NTM: variants seen among roughly 807,000 people sequenced by gnomAD.
The protein encoded by NTM is neurotrimin.
NTM carries 13 observed loss-of-function variants against 42.1 expected under a neutral mutation model. The observed-to-expected ratio is 0.31, with a 90% CI of 0.20 to 0.49. The LOEUF is 0.49. Ranked by LOEUF, NTM falls within the 20% of genes least tolerant of loss-of-function variation. NTM has a pLI of 0.99. For synonymous variants in NTM, 187 were observed against 179.2 expected, an observed-to-expected ratio of 1.04 and a Z score of -0.35; for missense variants, 373 against 452.8, an observed-to-expected ratio of 0.82 and a Z score of 1.60.
rs148428099 is a variant in NTM, at chr11:132,326,491, G to GC, written c.935-3657dup. ...CCTGGTCACTGAGCAGGGGCAAGGA[G>GC]CCCCCATCTGCTGAGACAAAGCTGG... On this transcript the variant is annotated intron_variant, in intron 7 of 8. Transcript: ENST00000683400. Among the ~76,000 whole-genome samples the GC allele has an allele frequency of 4.5e-4, 68 of 152,296 alleles. No individual in the cohort carries two copies. The East Asian group carries it at 0.013, about 29-fold the overall frequency.
At chr11:131,561,001 A>G (rs2056155511) in intron 1 of NTM, among the ~76,000 whole-genome samples, 1 of 152,202 alleles carries the variant, frequency 6.6e-6, no homozygotes, top group Non-Finnish European at 1.5e-5. Context: ...GGCGTGCAAG[A>G]TCACCCTGGA....
intron 2 of NTM, among the ~76,000 whole-genome samples, chr11:132,051,053 C>T (rs1489640685): frequency 1.3e-5 from 2 of 152,138 alleles, no homozygotes; most frequent in Non-Finnish European, 2.9e-5. Context: ...ATGCCTTGCT[C>T]CTTGGTTAAG....
intron 1 of NTM, among the ~76,000 whole-genome samples, chr11:131,510,965 C>T (rs957424636): frequency 6.6e-6 from 1 of 152,228 alleles, no homozygotes; most frequent in African/African-American, 2.4e-5. Context: ...CAGGGCCATA[C>T]TGTGTCCTAA....
chr11:131,438,146 G>A (rs528941028), intron 1 of NTM, among the ~76,000 whole-genome samples: 5 of 152,290 alleles, frequency 3.3e-5, no homozygotes, highest in South Asian at 2.1e-4. Context: ...TCTGCCGAGG[G>A]ATCCTCTGTA....
At chr11:131,540,838 C>T (rs779512636) in intron 1 of NTM, 3 of 152,188 alleles carry the variant, frequency 2.0e-5, no homozygotes, top group Non-Finnish European at 2.9e-5. Context: ...CATTTTCTAG[C>T]TTCTCATTAG....
chr11:132,163,155 G>A (rs895953297), intron 3 of NTM, among the ~76,000 whole-genome samples: 1 of 152,100 alleles, frequency 6.6e-6, no homozygotes, highest in African/African-American at 2.4e-5. Context: ...AGCATCTCAG[G>A]AAAAAGGGAT....
intron 1 of NTM, among the ~76,000 whole-genome samples, chr11:131,409,417 A>G (rs1458417398): frequency 6.6e-6 from 1 of 152,166 alleles, no homozygotes; most frequent in Non-Finnish European, 1.5e-5. Context: ...TTCCACAGAG[A>G]GGTGCAGGAG....
intron 2 of NTM, among the ~76,000 whole-genome samples, chr11:132,069,742 A>T (rs1349862303): frequency 1.3e-5 from 2 of 151,254 alleles, no homozygotes; most frequent in African/African-American, 2.4e-5. Flanking sequence ...CAGGTTAGTT[A>T]ACACGTCACA....
At chr11:131,660,637 T>A (rs1039667599) in intron 1 of NTM, 3 of 453,458 alleles carry the variant, frequency 6.6e-6, no homozygotes, top group African/African-American at 4.0e-5. Flanking sequence ...TGTGCACCCC[T>A]CCCCCCTTAT....
chr11:132,082,082 T>C (rs898618055), intron 2 of NTM, among the ~76,000 whole-genome samples: 1 of 151,584 alleles, frequency 6.6e-6, no homozygotes, highest in East Asian at 1.9e-4. Flanking sequence ...ACCCTTCATT[T>C]CTCAAAAAAA....
chr11:132,198,026 G>T (rs2080550022), intron 3 of NTM, among the ~76,000 whole-genome samples: 1 of 152,080 alleles, frequency 6.6e-6, no homozygotes, highest in Non-Finnish European at 1.5e-5. Flanking sequence ...TAACGGGATG[G>T]CTGGGTCAAA....
At chr11:132,313,826 CTTGTGGCTTACTGGGCTGCCA>C (rs1244203797) in intron 6 of NTM, among the ~76,000 whole-genome samples, 1 of 152,110 alleles carries the variant, frequency 6.6e-6, no homozygotes, top group Non-Finnish European at 1.5e-5. Context: ...AATGCAAGTC[CTTGTGGCTTACTGGGCTGCCA>C]TTGTGGAGCT....
intron 4 of NTM, among the ~76,000 whole-genome samples, chr11:132,229,299 C>T (rs956540491): frequency 4.6e-5 from 7 of 152,288 alleles, no homozygotes; most frequent in African/African-American, 1.7e-4. Context: ...GCACTTAGAC[C>T]GCTTGCTCAC....
chr11:131,668,068 G>A (rs941838830), intron 1 of NTM, among the ~76,000 whole-genome samples: 1 of 152,190 alleles, frequency 6.6e-6, no homozygotes, highest in Admixed American at 6.5e-5. Context: ...GCTGCAGCCA[G>A]GGGAGGTTAA....
intron 1 of NTM, among the ~76,000 whole-genome samples, chr11:131,764,255 G>A (rs1221970741): frequency 6.6e-6 from 1 of 152,132 alleles, no homozygotes; most frequent in South Asian, 2.1e-4. Context: ...AGCAGTGGGT[G>A]CAACTTCATT....
intron 1 of NTM, among the ~76,000 whole-genome samples, chr11:131,783,088 C>A (rs11222793): frequency 0.91 from 138,314 of 152,160 alleles, 63,016 homozygotes; most frequent in East Asian, 1. Context: ...AAATTCAAAG[C>A]AATCTACAGA....
At chr11:131,486,989 T>C (rs1322371360) in intron 1 of NTM, among the ~76,000 whole-genome samples, 1 of 152,164 alleles carries the variant, frequency 6.6e-6, no homozygotes, top group African/African-American at 2.4e-5. Context: ...ATTTACTCTT[T>C]GTAATGCCAC....
chr11:131,594,815 G>C (rs958422949), intron 1 of NTM, among the ~76,000 whole-genome samples: 2 of 152,192 alleles, frequency 1.3e-5, no homozygotes, highest in South Asian at 2.1e-4. Flanking sequence ...TTGAGACCTA[G>C]AGAAGTTGAC....
intron 1 of NTM, among the ~76,000 whole-genome samples, chr11:131,837,946 T>G (rs1377345601): frequency 1.3e-5 from 2 of 152,206 alleles, no homozygotes; most frequent in Non-Finnish European, 2.9e-5. Flanking sequence ...TAACACGAGT[T>G]TTCAGACAGG....
Sources: allele counts gnomAD v4.1 joint callset (sites outside exome capture counted in the v4.1 genomes callset), GRCh38; gene constraint gnomAD v4.1.1; transcripts MANE v1.5; gene names NCBI Gene and HGNC (gene_info 2026-07-23, HGNC 2026-07-21).